The following ARMC8 variants were observed in gnomAD, a reference collection of about 807,000 sequenced individuals.
ARMC8 encodes the protein armadillo repeat-containing protein 8.
ARMC8 carries 20 observed loss-of-function variants against 99.3 expected under a neutral mutation model. The ratio of observed to expected loss-of-function variants is 0.20; its 90% CI spans 0.14 to 0.29. The LOEUF is 0.29. Among genes scored for constraint, ARMC8 ranks in the 10% least tolerant of loss-of-function variants. ARMC8 has a pLI of 1.00. For missense variants in ARMC8, 569 were observed against 809.5 expected, an observed-to-expected ratio of 0.70 and a Z score of 3.60; for synonymous variants, 263 against 278.3, an observed-to-expected ratio of 0.95 and a Z score of 0.55.
chr3:138,207,439 A>C (rs1303579439), intron 1 of ARMC8, among the ~76,000 whole-genome samples: 1 of 152,224 alleles, frequency 6.6e-6, no homozygotes, highest in Non-Finnish European at 1.5e-5. Context: ...GGCACAGAGC[A>C]GCAAAAGAAT....
intron 1 of ARMC8, chr3:138,188,586 T>C (rs1454282697): frequency 3.7e-6 from 6 of 1,609,712 alleles, no homozygotes; most frequent in Middle Eastern, 1.6e-4. Context: ...CAAATACTGA[T>C]TGACCATCTT....
At chr3:138,278,537 A>G (rs1187001711) in intron 18 of ARMC8, among the ~76,000 whole-genome samples, 1 of 152,174 alleles carries the variant, frequency 6.6e-6, no homozygotes, top group Non-Finnish European at 1.5e-5. Context: ...TTGGTAAATA[A>G]AATTACTACC....
intron 21 of ARMC8, among the ~76,000 whole-genome samples, chr3:138,295,130 C>T (rs1338880423): frequency 1.3e-5 from 2 of 152,060 alleles, no homozygotes; most frequent in African/African-American, 4.8e-5. Flanking sequence ...AATTCCTGAC[C>T]TCAGGTGATC....
At chr3:138,190,281 C>CTTTT (rs141579108) in intron 1 of ARMC8, among the ~76,000 whole-genome samples, 25 of 114,358 alleles carry the variant, frequency 2.2e-4, no homozygotes, top group Non-Finnish European at 3.3e-4. Context: ...ATTTTCTTAT[C>CTTTT]TTTTTTTTTT....
In ARMC8 at chr3:138,219,226, GTGT is replaced by G. The variant is rs1184445297; in HGVS notation, c.123-2693_123-2691del. Among the ~76,000 whole-genome samples the G allele has an allele frequency of 5.3e-5, 8 of 152,358 alleles. No individual in the cohort carries two copies. In the East Asian group the frequency reaches 1.2e-3, roughly 22 times the overall value. The stretch of plus-strand genomic sequence containing the variant: ...GAAAGTAATGTAGAAATCTTGGATA[GTGT>G]TGTTGTGTTCCCATCTTGGATGATA... On this transcript the variant is annotated intron_variant, in intron 2 of 21. Transcript: ENST00000469044.
In ARMC8 at chr3:138,239,481, T is replaced by C; in HGVS notation, c.790T>C (p.Cys264Arg). The change falls in exon 10 of 22, where the codon TGT (cysteine) becomes CGT (arginine). Residue 264 changes from cysteine (C) to arginine (R), a missense_variant. Cys to Arg is a radical substitution (Grantham distance 180). Coordinates refer to ENST00000469044, the MANE Select transcript of ARMC8 (RefSeq NM_001363941.2). ...LTSAKCLTYM[C>R]RAGAIRTDDN... ...GTCTTATTCCAGTTTAACTTACATG[T>C]GTAGAGCTGGAGCAATTCGGACAGA... 1 of 1,602,280 alleles carries C rather than the reference T, an allele frequency of 6.2e-7. No homozygotes were observed. Among genetic ancestry groups the C allele is most frequent in the African/African-American group, 1.3e-5 (1 of 74,702 alleles).
chr3:138,266,413 A>G (rs886826658), intron 14 of ARMC8, among the ~76,000 whole-genome samples: 2 of 152,162 alleles, frequency 1.3e-5, no homozygotes, highest in Non-Finnish European at 2.9e-5. Flanking sequence ...TGTTGGGGCC[A>G]GATTTGACAT....
intron 18 of ARMC8, among the ~76,000 whole-genome samples, chr3:138,279,726 G>T (rs2049689026): frequency 6.6e-6 from 1 of 152,108 alleles, no homozygotes; most frequent in Non-Finnish European, 1.5e-5. Flanking sequence ...ATAGAAATAG[G>T]ACTACTCAGG....
chr3:138,263,802 G>C lies in ARMC8; in HGVS notation c.1198G>C (p.Val400Leu). The C allele has an allele frequency of 6.2e-7, 1 of 1,614,032 alleles. No individual in the cohort carries two copies. Among genetic ancestry groups the C allele is most frequent in the Non-Finnish European group, 8.5e-7 (1 of 1,179,882 alleles). ...TGGCTTGTCTGAGTCTAGTGTCAAG[G>C]TGCGGTTAGCTGCCGTCAGGTATGA... ...VTGLSESSVK[V>L]RLAAVRCLHS... Residue 400 changes from valine (V) to leucine (L), a missense_variant, in exon 13 of 22, where the codon GTG becomes CTG. This residue lies in a region of ARMC8 where 227 missense variants were observed against 417.9 expected (regional missense o/e 0.54). Transcript: ENST00000469044.
At position 138,297,864 on chromosome 3, in the gene ARMC8, C is replaced by T. The variant is rs1032411798; in HGVS notation, c.*1972C>T. On this transcript the variant is annotated 3_prime_UTR_variant, in exon 22 of 22. Coordinates refer to ENST00000469044, the MANE Select transcript of ARMC8 (RefSeq NM_001363941.2). The stretch of plus-strand genomic sequence containing the variant: ...ACTATAGTGTTGGTATTAAATAGTA[C>T]TAGGTAAATATAAAGAAACCAATAA... The T allele has an allele frequency of 1.2e-4, 19 of 152,160 alleles. No individual in the cohort carries two copies. The highest frequency in any genetic ancestry group is 3.6e-4 in the African/African-American group (15 of 41,434). The allele number at this position is 152,160 out of a possible 1,614,324, so 9.4% of individuals were successfully genotyped here.
intron 12 of ARMC8, among the ~76,000 whole-genome samples, chr3:138,258,351 T>A (rs924202273): frequency 7.2e-5 from 11 of 152,200 alleles, no homozygotes; most frequent in Non-Finnish European, 1.2e-4. Context: ...GTTTGTCTTG[T>A]TTTTTCAAAG....
At chr3:138,214,524 TAA>T (rs958356270) in intron 2 of ARMC8, among the ~76,000 whole-genome samples, 7 of 152,340 alleles carry the variant, frequency 4.6e-5, no homozygotes, top group Non-Finnish European at 1.0e-4. Context: ...GAGCTAAAGA[TAA>T]AGAGTTCCCA....
intron 12 of ARMC8, among the ~76,000 whole-genome samples, chr3:138,247,056 G>A (rs148240035): frequency 6.6e-6 from 1 of 152,194 alleles, no homozygotes; most frequent in Admixed American, 6.5e-5. Context: ...AAGTAATTTT[G>A]TGATAAAATC....
intron 1 of ARMC8, among the ~76,000 whole-genome samples, chr3:138,209,294 C>T (rs1559927329): frequency 2.0e-5 from 3 of 152,158 alleles, no homozygotes; most frequent in South Asian, 2.1e-4. Flanking sequence ...TTCTAGGGCT[C>T]GCCACAAAGG....
rs766883890 is a variant in ARMC8 at position 138,272,936 on chromosome 3, A to G, written c.1480-31A>G. ...ATAATTTAATAAAGTAAATGTAGAC[A>G]TGATTCTTGCAACTTCTTTAATCCT... On this transcript the variant is annotated intron_variant, in intron 16 of 21. Transcript: ENST00000469044. 7.5e-6 allele frequency: 11 copies of G among 1,474,672 alleles called. 1 individual carries two copies. In the South Asian group the frequency reaches 1.2e-4, roughly 16 times the overall value. The allele number at this position is 1,474,672 out of a possible 1,614,324, so 91.3% of individuals were successfully genotyped here.
chr3:138,249,480 T>C (rs867327182), intron 12 of ARMC8, among the ~76,000 whole-genome samples: 3 of 151,980 alleles, frequency 2.0e-5, no homozygotes, highest in East Asian at 3.9e-4. Flanking sequence ...TTAGAAAATA[T>C]AGAGTTTTTA....
At chr3:138,191,009 G>A (rs757490056) in intron 1 of ARMC8, among the ~76,000 whole-genome samples, 8 of 152,202 alleles carry the variant, frequency 5.3e-5, no homozygotes, top group African/African-American at 1.4e-4. Flanking sequence ...GTGATGCTGA[G>A]CTGAAAGTTC....
chr3:138,284,334 C>T (rs2050203597), intron 18 of ARMC8, 97 bp from the exon 19 acceptor site: 2 of 833,288 alleles, frequency 2.4e-6, no homozygotes, highest in South Asian at 3.0e-5. Flanking sequence ...TGTGAGAATC[C>T]ATGTACCTTC....
chr3:138,200,804 A>G (rs2044014748), intron 1 of ARMC8, among the ~76,000 whole-genome samples: 1 of 151,514 alleles, frequency 6.6e-6, no homozygotes, highest in Non-Finnish European at 1.5e-5. Flanking sequence ...CATTTTTTCC[A>G]TGCTGGGTCT....
Sources: allele counts gnomAD v4.1 joint callset (sites outside exome capture counted in the v4.1 genomes callset), GRCh38; gene constraint gnomAD v4.1.1; regional missense constraint gnomAD v4.1.1; transcripts MANE v1.5; gene names NCBI Gene and HGNC (gene_info 2026-07-23, HGNC 2026-07-21).